Variants in PRTG observed in about 807,000 individuals in gnomAD.
The protein encoded by PRTG is immunoglobulin superfamily, DCC subclass, member 5.
Under a neutral mutation model 122.5 loss-of-function variants are expected in PRTG, and 67 were observed. That is an observed-to-expected ratio of 0.55 (90% CI 0.45 to 0.67). The LOEUF (loss-of-function observed/expected upper bound fraction) is 0.67, where lower values mean the gene tolerates loss of function less well. Among genes scored for constraint, PRTG ranks in the 30% least tolerant of loss-of-function variants. PRTG has a pLI of 0.00. For synonymous variants in PRTG, 554 were observed against 501.1 expected (o/e 1.11, Z -1.41); for missense variants, 1,435 against 1,415.4 (o/e 1.01, Z -0.22).
intron 4 of PRTG, among the ~76,000 whole-genome samples, chr15:55,682,147 T>A (rs1348766918): frequency 6.6e-6 from 1 of 152,186 alleles, no homozygotes; most frequent in Non-Finnish European, 1.5e-5. Context: ...TGTTAATCTT[T>A]CTTAAGACTG....
rs914585986 is a variant in PRTG at position 55,675,311 on chromosome 15, G to T, written c.1546+208C>A. Among the ~76,000 whole-genome samples, 11 of 152,118 alleles carry T rather than the reference G, an allele frequency of 7.2e-5. No homozygotes were observed. In the East Asian group the frequency reaches 2.1e-3, roughly 29 times the overall value. ...TTGAAGAAATACAATGGGAATATAA[G>T]AATTTTATTATTAAATTTTATATTC... is the stretch of plus-strand genomic sequence containing the variant. On this transcript the variant is annotated intron_variant, in intron 9 of 19. Transcript: ENST00000389286.
intron 2 of PRTG, among the ~76,000 whole-genome samples, chr15:55,693,702 G>C (rs2059617449): frequency 6.6e-6 from 1 of 152,114 alleles, no homozygotes; most frequent in South Asian, 2.1e-4. Context: ...CTCAGTAAAA[G>C]GGGATATTAA....
In PRTG at chr15:55,691,967, G is replaced by A. The variant is rs896213477; in HGVS notation, c.398-8036C>T. Among the ~76,000 whole-genome samples, 12 of 151,876 alleles carry A rather than the reference G, an allele frequency of 7.9e-5. No homozygotes were observed. In the South Asian group the frequency reaches 1.2e-3, roughly 16 times the overall value. ...TGGGAGAATTGCTTGAGCCCAGGAG[G>A]TTGAGTCTGCAGTGAGCCACGATCA... On this transcript the variant is annotated intron_variant, in intron 2 of 19. Coordinates refer to ENST00000389286, the MANE Select transcript of PRTG (RefSeq NM_173814.6).
Position 55,639,635 on chromosome 15 carries a change from T to C in PRTG, c.2324+7A>G. The C allele has an allele frequency of 6.2e-7, 1 of 1,611,886 alleles. No individual in the cohort carries two copies. Among genetic ancestry groups the C allele is most frequent in the Non-Finnish European group, 8.5e-7 (1 of 1,178,234 alleles). Reference sequence around the variant, plus strand: ...AAAGAAAATAACCATTAACAGGAGCTACATACGTTTGAAGGTACAGAACCA... The same window carrying C: ...AAAGAAAATAACCATTAACAGGAGCCACATACGTTTGAAGGTACAGAACCA... On this transcript the variant is annotated splice_region_variant and intron_variant, in intron 13 of 19. Transcript: ENST00000389286.
chr15:55,675,451 T>C lies in PRTG; in HGVS notation c.1546+68A>G. ...AGAGGATATTTTCTTTAAAACACAT[T>C]TATTCATTGAAATTGACAAAACATA... On this transcript the variant is annotated intron_variant, in intron 9 of 19. Transcript: ENST00000389286. 3 of 1,142,236 alleles carry C rather than the reference T, an allele frequency of 2.6e-6. 1 individual carries two copies. The South Asian group carries it at 5.4e-5, about 21-fold the overall frequency. 70.8% of individuals were successfully genotyped at this position (1,142,236 alleles called of 1,614,324 possible). A position where few individuals can be genotyped will look rare whatever the true frequency, so the allele number is the denominator to read the frequency against.
chr15:55,666,258 T>C (rs75232078), intron 11 of PRTG, among the ~76,000 whole-genome samples: 1 of 152,202 alleles, frequency 6.6e-6, no homozygotes. Context: ...TGGGCATTTC[T>C]TCTTCTTCTT....
chr15:55,631,252 A>G (rs941547769), intron 15 of PRTG, among the ~76,000 whole-genome samples: 1 of 152,190 alleles, frequency 6.6e-6, no homozygotes, highest in Non-Finnish European at 1.5e-5. Context: ...ACAAAGATGT[A>G]TTGTGACATG....
At chr15:55,649,239 T>C (rs1252277215) in intron 11 of PRTG, among the ~76,000 whole-genome samples, 1 of 152,116 alleles carries the variant, frequency 6.6e-6, no homozygotes, top group Non-Finnish European at 1.5e-5. Context: ...CAGCCTAGCA[T>C]AGTGGTTAAG....
rs747410325 is a variant in PRTG at position 55,619,123 on chromosome 15, G to C, written c.*889C>G. The C allele has an allele frequency of 2.6e-5, 4 of 152,174 alleles. No individual in the cohort carries two copies. Among genetic ancestry groups the C allele is most frequent in the Admixed American group, 2.6e-4 (4 of 15,282 alleles). 9.4% of individuals were successfully genotyped at this position (152,174 alleles called of 1,614,324 possible). On this transcript the variant is annotated 3_prime_UTR_variant, in exon 20 of 20. Transcript: ENST00000389286. Reference sequence around the variant, plus strand: ...CAGTGCAGCCTTTGGCCAACCGTCAGGCAAAGGGGAAGGTAGAAAAGGCAC... The same window carrying C: ...CAGTGCAGCCTTTGGCCAACCGTCACGCAAAGGGGAAGGTAGAAAAGGCAC...
chr15:55,671,609 C>A (rs1216082163), intron 11 of PRTG, among the ~76,000 whole-genome samples: 1 of 152,110 alleles, frequency 6.6e-6, no homozygotes, highest in Non-Finnish European at 1.5e-5. Flanking sequence ...AGCTATTTTC[C>A]TGCCTCAGCC....
intron 2 of PRTG, among the ~76,000 whole-genome samples, chr15:55,721,295 T>C (rs1444567164): frequency 6.6e-6 from 1 of 152,314 alleles, no homozygotes; most frequent in East Asian, 1.9e-4. Flanking sequence ...ACTTCTGCTC[T>C]CCTCACAGAC....
chr15:55,625,514 C>T (rs1455533552), intron 17 of PRTG, among the ~76,000 whole-genome samples: 13 of 151,586 alleles, frequency 8.6e-5, no homozygotes, highest in African/African-American at 2.4e-4. Context: ...TGCAGTGCTA[C>T]GATCATAGCT....
In PRTG at chr15:55,683,840, A is replaced by C. The variant is rs757821143; in HGVS notation, c.489T>G (p.Pro163=). The C allele has an allele frequency of 4.3e-6, 7 of 1,613,834 alleles. No homozygotes were observed. In the African/African-American group the frequency reaches 9.3e-5, roughly 22 times the overall value. The part of the protein sequence containing the change: ...RFACKISSHP[P]AVITWEFNRT... ...GATTGAACTCCCATGTTATGACTGC[A>C]GGAGGGTGGGATGAAATCTTGCATG... The change falls in exon 3 of 20, where the codon CCT becomes CCG. Residue 163 remains proline (P), a synonymous_variant. Coordinates refer to ENST00000389286, the MANE Select transcript of PRTG (RefSeq NM_173814.6).
At chr15:55,709,314 T>A (rs2244002) in intron 2 of PRTG, among the ~76,000 whole-genome samples, 2 of 147,036 alleles carry the variant, frequency 1.4e-5, no homozygotes, top group African/African-American at 2.5e-5. Flanking sequence ...AAGAAAGTGC[T>A]GACAAGTTTT....
intron 2 of PRTG, among the ~76,000 whole-genome samples, chr15:55,711,081 ATT>A (rs1168529643): frequency 0.012 from 1,432 of 115,430 alleles, 14 homozygotes; most frequent in East Asian, 0.015. Flanking sequence ...TAATTTTTGT[ATT>A]TTTTTTTTTT....
intron 17 of PRTG, 79 bp downstream of exon 17, chr15:55,626,927 GCA>G: frequency 1.5e-6 from 2 of 1,312,408 alleles, no homozygotes; most frequent in East Asian, 2.5e-5. Context: ...ACTCTAAAAG[GCA>G]CTTGACTTTC....
intron 2 of PRTG, among the ~76,000 whole-genome samples, chr15:55,720,518 T>C (rs1055395482): frequency 8.5e-5 from 13 of 152,214 alleles, no homozygotes; most frequent in African/African-American, 3.1e-4. Flanking sequence ...TTGTGAAACT[T>C]TGACATTTCT....
At chr15:55,708,503 G>A (rs1013912689) in intron 2 of PRTG, among the ~76,000 whole-genome samples, 33 of 152,074 alleles carry the variant, frequency 2.2e-4, no homozygotes, top group African/African-American at 7.7e-4. Context: ...AGCTGCTCAG[G>A]AGGCTGAGGC....
rs59773365 is a variant in PRTG at position 55,612,697 on chromosome 15, AATATATATATATATATATATAT to A, written c.*7293_*7314del. The A allele has an allele frequency of 0.022, 2,696 of 120,684 alleles. 91 individuals carry two copies. The highest frequency in any genetic ancestry group is 0.043 in the African/African-American group (911 of 21,400). 7.5% of individuals were successfully genotyped at this position (120,684 alleles called of 1,614,324 possible). A position where few individuals can be genotyped will look rare whatever the true frequency, so the allele number is the denominator to read the frequency against. On this transcript the variant is annotated 3_prime_UTR_variant, in exon 20 of 20. Coordinates refer to ENST00000389286, the MANE Select transcript of PRTG (RefSeq NM_173814.6). Reference sequence around the variant, plus strand: ...TTCTCTCTTTAACTCTTTAAAAGCCAATATATATATATATATATATATATATATATATATATATATATATATA... The same window carrying A: ...TTCTCTCTTTAACTCTTTAAAAGCCAATATATATATATATATATATATATA...
Sources: allele counts gnomAD v4.1 joint callset (sites outside exome capture counted in the v4.1 genomes callset), GRCh38; gene constraint gnomAD v4.1.1; transcripts MANE v1.5; gene names NCBI Gene and HGNC (gene_info 2026-07-23, HGNC 2026-07-21).